The following IFT81 variants were observed in gnomAD, a reference collection of about 807,000 sequenced individuals.
IFT81 encodes the protein intraflagellar transport protein 81 homolog.
A neutral mutation model predicts 102.6 loss-of-function variants in IFT81; 72 were observed. The observed-to-expected ratio is 0.70, with a 90% confidence interval of 0.58 to 0.85. The LOEUF is 0.85. Ranked by LOEUF, IFT81 falls within the 40% of genes least tolerant of loss-of-function variation. The pLI is 0.00. For missense variants in IFT81, 723 were observed against 787.3 expected, an observed-to-expected ratio of 0.92 and a Z score of 0.98; for synonymous variants, 237 against 242.7, an observed-to-expected ratio of 0.98 and a Z score of 0.22.
rs183056372 is a variant in IFT81, at chr12:110,209,560, G to A, written c.1848+344G>A. The stretch of plus-strand genomic sequence containing the variant: ...AAGGCCAGTGGATCAGTTGAGGTCA[G>A]GAACTCAAGACCAGCCTGGCCAAAA... On this transcript the variant is annotated intron_variant, in intron 18 of 18. Transcript: ENST00000242591. Among the ~76,000 whole-genome samples the A allele has an allele frequency of 5.5e-3, 842 of 152,282 alleles. 4 individuals are homozygous for A. Among genetic ancestry groups the A allele is most frequent in the Middle Eastern group, 0.01 (3 of 294 alleles).
intron 14 of IFT81, among the ~76,000 whole-genome samples, chr12:110,196,449 G>A (rs892722223): frequency 2.0e-5 from 3 of 152,250 alleles, no homozygotes; most frequent in Non-Finnish European, 4.4e-5. Context: ...GAACCTGGGA[G>A]GCGGAGGTTG....
Position 110,218,212 on chromosome 12 carries a change from C to T in IFT81, c.2017C>T (p.Arg673Trp), listed in dbSNP as rs1437157230. The change falls in exon 19 of 19, where the codon CGG becomes TGG. Residue 673 changes from arginine to tryptophan, a missense_variant. Physicochemically the swap from Arg to Trp is moderately radical, Grantham distance 101. Coordinates refer to ENST00000242591, the MANE Select transcript of IFT81 (RefSeq NM_014055.4). ...GQVIQEGGED[R>W]LIL ...GGTAATTCAGGAGGGTGGGGAGGACCGGCTAATACTGTGAATTCTTGTGTC... is the reference window on the plus strand; with the variant it reads ...GGTAATTCAGGAGGGTGGGGAGGACTGGCTAATACTGTGAATTCTTGTGTC... 14 of 1,537,350 alleles carry T rather than the reference C, an allele frequency of 9.1e-6. No homozygotes were observed. The highest frequency in any genetic ancestry group is 1.7e-4 in the Middle Eastern group (1 of 5,720).
At chr12:110,183,504 C>G (rs1163052169) in intron 12 of IFT81, among the ~76,000 whole-genome samples, 1 of 152,162 alleles carries the variant, frequency 6.6e-6, no homozygotes, top group African/African-American at 2.4e-5. Context: ...CCATCTCTAC[C>G]AACAAAGCCA....
chr12:110,144,278 G>A (rs1176099217), intron 9 of IFT81, among the ~76,000 whole-genome samples: 5 of 151,444 alleles, frequency 3.3e-5, no homozygotes, highest in South Asian at 2.1e-4. Flanking sequence ...GTGCAGTAGC[G>A]TGATCTCGGC....
chr12:110,127,993 T>C, intron 2 of IFT81, 53 bp from the exon 3 acceptor site: 4 of 1,224,254 alleles, frequency 3.3e-6, no homozygotes, highest in Non-Finnish European at 4.8e-6. Context: ...GTTTAAATAT[T>C]GTCCTTTGTT....
At chr12:110,215,424 TTTCTTTTTCTTCTCTTCTTCTTCTTC>T (rs1185622917) in intron 18 of IFT81, among the ~76,000 whole-genome samples, 8 of 151,220 alleles carry the variant, frequency 5.3e-5, no homozygotes, top group African/African-American at 1.9e-4. Context: ...ATTCCTTTCT[TTTCTTTTTCTTCTCTTCTTCTTCTTC>T]TTCTTTTTTT....
chr12:110,186,728 G>T (rs992012569), intron 12 of IFT81, among the ~76,000 whole-genome samples: 1 of 151,924 alleles, frequency 6.6e-6, no homozygotes, highest in Non-Finnish European at 1.5e-5. Flanking sequence ...ACAGGGTTTT[G>T]CCATGATGCC....
intron 18 of IFT81, among the ~76,000 whole-genome samples, chr12:110,215,162 C>A (rs896829014): frequency 2.0e-5 from 3 of 152,096 alleles, no homozygotes; most frequent in African/African-American, 7.2e-5. Context: ...CAAGTACCAA[C>A]TACCAGCATT....
At chr12:110,212,255 A>AG (rs918394669) in intron 18 of IFT81, among the ~76,000 whole-genome samples, 1 of 151,898 alleles carries the variant, frequency 6.6e-6, no homozygotes, top group African/African-American at 2.4e-5. Flanking sequence ...AAAAAAAAAA[A>AG]AAAAACTTGG....
intron 12 of IFT81, among the ~76,000 whole-genome samples, chr12:110,190,051 G>A (rs1330370365): frequency 1.3e-5 from 2 of 152,188 alleles, no homozygotes; most frequent in African/African-American, 4.8e-5. Context: ...CAGCACAGAT[G>A]TTAAAGTGAT....
chr12:110,163,026 C>A lies in IFT81; in HGVS notation c.1149C>A (p.Thr383=), dbSNP rs746359784. 8 of 1,613,652 alleles carry A rather than the reference C, an allele frequency of 5.0e-6. No homozygotes were observed. The African/African-American group carries it at 1.1e-4, about 22-fold the overall frequency. The change falls in exon 11 of 19, where the codon ACC becomes ACA. Residue 383 remains threonine, a synonymous_variant. Coordinates refer to ENST00000242591, the MANE Select transcript of IFT81 (RefSeq NM_014055.4). Reference sequence around the variant, plus strand: ...AAGCATCAGTAAAGAGAAATCAGACCCGTGAATTTGATGGTACTGAAGTTT... The same window carrying A: ...AAGCATCAGTAAAGAGAAATCAGACACGTGAATTTGATGGTACTGAAGTTT... The part of the protein sequence containing the change: ...EREASVKRNQ[T]REFDGTEVLK...
chr12:110,143,540 T>G lies in IFT81; in HGVS notation c.940T>G (p.Ser314Ala). 1.3e-6 allele frequency: 2 copies of G among 1,543,420 alleles called. No individual in the cohort carries two copies. The highest frequency in any genetic ancestry group is 1.7e-6 in the Non-Finnish European group (2 of 1,156,936). Reference sequence around the variant, plus strand: ...CCATTCTGATCTTCTTGAACTTGAATCTAAAGTAAGTGAGAATCATCTTTT... The same window carrying G: ...CCATTCTGATCTTCTTGAACTTGAAGCTAAAGTAAGTGAGAATCATCTTTT... ...MGHSDLLELE[S>A]KINEINTEIN... Residue 314 changes from serine (S) to alanine (A), a missense_variant, in exon 9 of 19, where the codon TCT becomes GCT. By Grantham distance (99) the Ser-to-Ala change is moderately conservative. Transcript: ENST00000242591.
At chr12:110,173,088 G>A (rs1179356841) in intron 11 of IFT81, among the ~76,000 whole-genome samples, 3 of 145,388 alleles carry the variant, frequency 2.1e-5, no homozygotes, top group African/African-American at 5.1e-5. Context: ...CCCTCTGCCC[G>A]ACCAGCCGCC....
In IFT81 at chr12:110,218,146, CAG is replaced by C; in HGVS notation, c.1952_1953del (p.Gln651LeufsTer37). The C allele has an allele frequency of 6.3e-7, 1 of 1,593,396 alleles. No homozygotes were observed. Among genetic ancestry groups the C allele is most frequent in the Non-Finnish European group, 8.5e-7 (1 of 1,174,408 alleles). On this transcript the variant is annotated frameshift_variant, in exon 19 of 19. Coordinates refer to ENST00000242591, the MANE Select transcript of IFT81 (RefSeq NM_014055.4). LOFTEE classifies it high-confidence loss of function. ...GGAACAATTAATGGAATGTAAGAAA[CAG>C]TGCTTTCTGAAACAACAAAGCCAAA... is the stretch of plus-strand genomic sequence containing the variant. ...DLEQLMECKK[Q>X]CFLKQQSQTS...
At chr12:110,135,051 G>A in intron 6 of IFT81, 38 bp downstream of exon 6, 1 of 1,465,066 alleles carries the variant, frequency 6.8e-7, no homozygotes, top group Non-Finnish European at 9.4e-7. Flanking sequence ...TTGGCCCCAA[G>A]TCCCAAGGAC....
chr12:110,157,044 A>G (rs1895880860), intron 10 of IFT81, among the ~76,000 whole-genome samples: 1 of 150,256 alleles, frequency 6.7e-6, no homozygotes, highest in Admixed American at 6.6e-5. Context: ...GCAGGAGTAG[A>G]AGTTTATTTT....
intron 17 of IFT81, among the ~76,000 whole-genome samples, chr12:110,208,287 G>T (rs1173349350): frequency 6.6e-6 from 1 of 152,158 alleles, no homozygotes; most frequent in Non-Finnish European, 1.5e-5. Context: ...CCAATTGCTT[G>T]AGCCCCAGAG....
At chr12:110,202,457 C>CTTT (rs1472257322) in intron 14 of IFT81, among the ~76,000 whole-genome samples, 2 of 144,332 alleles carry the variant, frequency 1.4e-5, no homozygotes, top group African/African-American at 2.5e-5. Context: ...GTGATTCCAC[C>CTTT]TTTTTTTTTT....
At chr12:110,147,796 T>C (rs1183205690) in intron 10 of IFT81, among the ~76,000 whole-genome samples, 5 of 152,212 alleles carry the variant, frequency 3.3e-5, no homozygotes, top group Non-Finnish European at 7.3e-5. Context: ...CAACCCCAAC[T>C]ATATTATTTT....
Sources: allele counts gnomAD v4.1 joint callset (sites outside exome capture counted in the v4.1 genomes callset), GRCh38; gene constraint gnomAD v4.1.1; transcripts MANE v1.5; gene names NCBI Gene and HGNC (gene_info 2026-07-23, HGNC 2026-07-21).